Variants in USP7 observed in about 807,000 individuals in gnomAD.
USP7 encodes the protein ubiquitin C-terminal hydrolase 7.
USP7 carries 9 observed loss-of-function variants against 162.9 expected under a neutral mutation model. The observed-to-expected ratio is 0.06, with a 90% CI of 0.03 to 0.10. The LOEUF (loss-of-function observed/expected upper bound fraction) is 0.10, where lower values mean the gene tolerates loss of function less well. Ranked by LOEUF, USP7 falls within the 10% of genes least tolerant of loss-of-function variation. The pLI, the probability that USP7 is intolerant of heterozygous loss-of-function variation, is 1.00. For missense variants in USP7, 715 were observed against 1,373.7 expected (o/e 0.52, Z 7.58); for synonymous variants, 562 against 475.9 (o/e 1.18, Z -2.35).
intron 16 of USP7, among the ~76,000 whole-genome samples, chr16:8,903,040 G>A (rs1446767758): frequency 6.6e-6 from 1 of 152,182 alleles, no homozygotes; most frequent in African/African-American, 2.4e-5. Context: ...GAAAAGGGGT[G>A]AAAACATGTC....
At chr16:8,895,399 T>C (rs2061666177) in intron 27 of USP7, among the ~76,000 whole-genome samples, 1 of 152,186 alleles carries the variant, frequency 6.6e-6, no homozygotes, top group East Asian at 1.9e-4. Flanking sequence ...CCAGTTCCTG[T>C]GGAAATGTCA....
At chr16:8,951,005 C>T (rs1276702249) in intron 1 of USP7, among the ~76,000 whole-genome samples, 2 of 152,186 alleles carry the variant, frequency 1.3e-5, no homozygotes, top group African/African-American at 2.4e-5. Context: ...TCTGATGCAA[C>T]GTCCCAAGAA....
chr16:8,922,220 G>A (rs994895543), intron 3 of USP7, among the ~76,000 whole-genome samples: 5 of 152,348 alleles, frequency 3.3e-5, no homozygotes, highest in South Asian at 4.1e-4. Context: ...CAGGTGCGCT[G>A]GCTCACGCCT....
chr16:8,910,721 A>G (rs770318982), intron 11 of USP7, 24 bp downstream of exon 11: 6 of 1,605,630 alleles, frequency 3.7e-6, no homozygotes, highest in Non-Finnish European at 5.1e-6. Context: ...ACAACAGGAC[A>G]CTAGCACAAA....
chr16:8,924,829 C>A (rs1365636844), intron 2 of USP7, among the ~76,000 whole-genome samples: 1 of 152,248 alleles, frequency 6.6e-6, no homozygotes, highest in South Asian at 2.1e-4. Flanking sequence ...TTGAGACACT[C>A]TTCATCCCAA....
intron 4 of USP7, among the ~76,000 whole-genome samples, chr16:8,920,871 T>C (rs1415830231): frequency 1.3e-5 from 2 of 152,222 alleles, no homozygotes; most frequent in African/African-American, 2.4e-5. Flanking sequence ...CTCAGTACTA[T>C]GCCTGAATCA....
At chr16:8,926,200 G>A (rs969169373) in intron 2 of USP7, among the ~76,000 whole-genome samples, 3 of 149,294 alleles carry the variant, frequency 2.0e-5, no homozygotes, top group Admixed American at 6.7e-5. Flanking sequence ...AAGGTCGGCC[G>A]GGCGCGGTGG....
At chr16:8,900,187 C>T (rs907352317) in intron 21 of USP7, 2 of 325,486 alleles carry the variant, frequency 6.1e-6, no homozygotes, top group East Asian at 7.4e-5. Flanking sequence ...GGCTGGTTTA[C>T]ATGAAGACAG....
intron 2 of USP7, among the ~76,000 whole-genome samples, chr16:8,928,850 T>C (rs1898162519): frequency 6.6e-6 from 1 of 152,010 alleles, no homozygotes; most frequent in South Asian, 2.1e-4. Flanking sequence ...ACCCATATTG[T>C]CCCCTCATAA....
chr16:8,903,193 G>A, intron 16 of USP7, 75 bp downstream of exon 16: 1 of 1,557,242 alleles, frequency 6.4e-7, no homozygotes, highest in Non-Finnish European at 8.7e-7. Flanking sequence ...AAGGCAATCA[G>A]TATTTTCTAG....
chr16:8,903,175 T>C (rs1230490089), intron 16 of USP7, 93 bp downstream of exon 16: 9 of 1,510,668 alleles, frequency 6.0e-6, no homozygotes, highest in Non-Finnish European at 8.1e-6. Flanking sequence ...ACACAGCACC[T>C]ACCCCCAAAG....
In USP7 at chr16:8,893,872, TA is replaced by T; in HGVS notation, c.*125del. ...GCCAAACTGAACAGCCTCAATAAAA[TA>T]AAATTAACACCAGCAGCGAATCCTC... is the stretch of plus-strand genomic sequence containing the variant. On this transcript the variant is annotated 3_prime_UTR_variant, in exon 31 of 31. Transcript: ENST00000344836. 1 of 813,702 alleles carries T rather than the reference TA, an allele frequency of 1.2e-6. No homozygotes were observed. Among genetic ancestry groups the T allele is most frequent in the Non-Finnish European group, 2.1e-6 (1 of 486,658 alleles). 50.4% of individuals were successfully genotyped at this position (813,702 alleles called of 1,614,324 possible).
Position 8,902,095 on chromosome 16 carries a change from C to T in USP7, c.2034G>A (p.Lys678=). 2 of 1,614,164 alleles carry T rather than the reference C, an allele frequency of 1.2e-6. No individual in the cohort carries two copies. The highest frequency in any genetic ancestry group is 1.7e-6 in the Non-Finnish European group (2 of 1,180,020). Residue 678 remains lysine, a synonymous_variant, in exon 18 of 31, where the codon AAG becomes AAA. Coordinates refer to ENST00000344836, the MANE Select transcript of USP7 (RefSeq NM_003470.3). The stretch of plus-strand genomic sequence containing the variant: ...GTGGGCACTTACGATCTTTATCAAA[C>T]TTGGGTAAGGTCGCTCCACTAGCAG... ...ELAASGATLP[K]FDKDHDVMLF...
chr16:8,951,598 C>T (rs1026742783), intron 1 of USP7, among the ~76,000 whole-genome samples: 11 of 152,174 alleles, frequency 7.2e-5, no homozygotes, highest in Non-Finnish European at 1.3e-4. Context: ...AGGACCTGAG[C>T]GCATGAGGCT....
At position 8,899,168 on chromosome 16, in the gene USP7, C is replaced by G. The variant is rs1295221475; in HGVS notation, c.2484G>C (p.Gln828His). 1 of 1,614,180 alleles carries G rather than the reference C, an allele frequency of 6.2e-7. No homozygotes were observed. The highest frequency in any genetic ancestry group is 8.5e-7 in the Non-Finnish European group (1 of 1,180,044). Residue 828 changes from glutamine (Q) to histidine (H), a missense_variant, in exon 23 of 31, where the codon CAG becomes CAC. By Grantham distance (24) the Gln-to-His change is conservative. Transcript: ENST00000344836. ...GCAACATTGGATCTGTGTTGAGCCTCTGTGCAACTGTCTTTGCAACCTAAG... is the reference window on the plus strand; with the variant it reads ...GCAACATTGGATCTGTGTTGAGCCTGTGTGCAACTGTCTTTGCAACCTAAG... ...NYFQVAKTVA[Q>H]RLNTDPMLLQ...
At chr16:8,928,685 A>C (rs1430801030) in intron 2 of USP7, among the ~76,000 whole-genome samples, 1 of 152,180 alleles carries the variant, frequency 6.6e-6, no homozygotes, top group African/African-American at 2.4e-5. Flanking sequence ...TTCCAAACCA[A>C]GGAAAGGTGC....
In USP7 at chr16:8,939,561, T is replaced by C. The variant is rs535574967; in HGVS notation, c.80-9164A>G. On this transcript the variant is annotated intron_variant, in intron 1 of 30. Coordinates refer to ENST00000344836, the MANE Select transcript of USP7 (RefSeq NM_003470.3). ...AAAGAAGTAAACACAAGCAAGCAAATGTTAGCTAGCAACAATGCAGACATA... is the reference window on the plus strand; with the variant it reads ...AAAGAAGTAAACACAAGCAAGCAAACGTTAGCTAGCAACAATGCAGACATA... Among the ~76,000 whole-genome samples, 13 of 152,332 alleles carry C rather than the reference T, an allele frequency of 8.5e-5. No individual in the cohort carries two copies. The South Asian group carries it at 2.7e-3, about 32-fold the overall frequency.
At position 8,963,241 on chromosome 16, in the gene USP7, C is replaced by A. The variant is rs1900094070; in HGVS notation, c.45G>T (p.Gln15His). The change falls in exon 1 of 31, where the codon CAG becomes CAT. Residue 15 changes from glutamine (Q) to histidine (H), a missense_variant. By Grantham distance (24) the Gln-to-His change is conservative. This residue lies in a region of USP7 where 137 missense variants were observed against 123.5 expected (regional missense o/e 1.11). Transcript: ENST00000344836. Reference sequence around the variant, plus strand: ...CCATGTCCTCGGGCTCGCTCAACTGCTGCTCGCCCGCTTTCTGCTGCTGCT... The same window carrying A: ...CCATGTCCTCGGGCTCGCTCAACTGATGCTCGCCCGCTTTCTGCTGCTGCT... ...QQQQQQKAGE[Q>H]QLSEPEDMEM... is the part of the protein sequence containing the mutation. 7.2e-7 allele frequency: 1 copy of A among 1,395,322 alleles called. No individual in the cohort carries two copies. The highest frequency in any genetic ancestry group is 9.4e-7 in the Non-Finnish European group (1 of 1,063,630). The allele number at this position is 1,395,322 out of a possible 1,614,324, so 86.4% of individuals were successfully genotyped here. A position where few individuals can be genotyped will look rare whatever the true frequency, so the allele number is the denominator to read the frequency against.
intron 1 of USP7, 138 bp downstream of exon 1, chr16:8,963,069 C>G (rs1217423219): frequency 4.1e-6 from 3 of 725,214 alleles, no homozygotes; most frequent in Non-Finnish European, 5.3e-6. Flanking sequence ...CAGGCCGGGG[C>G]CGGGAGGCCA....
Sources: allele counts gnomAD v4.1 joint callset (sites outside exome capture counted in the v4.1 genomes callset), GRCh38; gene constraint gnomAD v4.1.1; regional missense constraint gnomAD v4.1.1; transcripts MANE v1.5; gene names NCBI Gene and HGNC (gene_info 2026-07-23, HGNC 2026-07-21).